Variants in VPS53 observed in about 807,000 individuals in gnomAD.
The protein encoded by VPS53 is vacuolar protein sorting-associated protein 53 homolog.
In VPS53, 70 loss-of-function variants were observed where a neutral mutation model predicts 107.0. The observed-to-expected ratio is 0.65, with a 90% CI of 0.54 to 0.80. The LOEUF is 0.80. Among genes scored for constraint, VPS53 ranks in the 30% least tolerant of loss-of-function variants. The probability of loss-of-function intolerance (pLI) is 0.00; values close to 1 mark genes in which losing one functional copy is unlikely to be tolerated. For synonymous variants in VPS53, 409 were observed against 393.3 expected (o/e 1.04, Z -0.47); for missense variants, 917 against 1,049.4 (o/e 0.87, Z 1.74).
intron 19 of VPS53, 112 bp from the exon 20 acceptor site, chr17:521,850 C>T: frequency 1.6e-6 from 2 of 1,229,930 alleles, no homozygotes; most frequent in Non-Finnish European, 1.0e-6. Context: ...ATTCTTGTTG[C>T]AAAAAATTGG....
chr17:688,664 GCA>G (rs1440278170), intron 4 of VPS53, among the ~76,000 whole-genome samples: 6 of 152,040 alleles, frequency 3.9e-5, no homozygotes, highest in Admixed American at 1.3e-4. Context: ...ACAACCAGTA[GCA>G]CTCTAGAAGC....
chr17:662,109 A>C (rs1971460159), intron 4 of VPS53, among the ~76,000 whole-genome samples: 1 of 152,180 alleles, frequency 6.6e-6, no homozygotes, highest in South Asian at 2.1e-4. Flanking sequence ...AATGTTCCTC[A>C]CAAAGTTTCA....
At chr17:650,376 A>T (rs56877006) in intron 7 of VPS53, among the ~76,000 whole-genome samples, 15,074 of 152,144 alleles carry the variant, frequency 0.099, 844 homozygotes, top group East Asian at 0.22. Context: ...ATTTGCCTGT[A>T]TTCCTGGCTA....
At chr17:564,213 G>A (rs368159844) in intron 13 of VPS53, among the ~76,000 whole-genome samples, 61 of 152,154 alleles carry the variant, frequency 4.0e-4, no homozygotes, top group African/African-American at 1.4e-3. Context: ...TGGCCAACAT[G>A]GCAAAACCCC....
chr17:534,628 A>G (rs953060253), intron 18 of VPS53, among the ~76,000 whole-genome samples: 28 of 152,212 alleles, frequency 1.8e-4, no homozygotes, highest in African/African-American at 6.3e-4. Flanking sequence ...ACATTAGAAC[A>G]TGCTCCGGAC....
intron 17 of VPS53, among the ~76,000 whole-genome samples, chr17:551,068 G>A (rs1381889243): frequency 6.6e-6 from 1 of 151,640 alleles, no homozygotes; most frequent in Non-Finnish European, 1.5e-5. Flanking sequence ...AAGATAATAC[G>A]TAAATAAAGG....
chr17:661,686 G>A (rs1971444064), intron 5 of VPS53, 123 bp downstream of exon 5: 2 of 870,144 alleles, frequency 2.3e-6, no homozygotes, highest in South Asian at 1.8e-5. Context: ...TTGCTTTAGA[G>A]ATGCAGATGA....
chr17:663,767 A>C (rs1971567761), intron 4 of VPS53, among the ~76,000 whole-genome samples: 1 of 152,190 alleles, frequency 6.6e-6, no homozygotes, highest in Non-Finnish European at 1.5e-5. Flanking sequence ...ATGAGTATTT[A>C]CTGAATGCCT....
intron 4 of VPS53, among the ~76,000 whole-genome samples, chr17:687,676 C>T (rs546029648): frequency 1.3e-5 from 2 of 151,880 alleles, no homozygotes; most frequent in Non-Finnish European, 2.9e-5. Context: ...AGGTTGAGGG[C>T]GCAGCGAGCT....
intron 11 of VPS53, among the ~76,000 whole-genome samples, chr17:612,535 TAGTG>T (rs1968937705): frequency 7.1e-6 from 1 of 141,420 alleles, no homozygotes; most frequent in African/African-American, 2.7e-5. Context: ...AATATTCACA[TAGTG>T]AGTTCACACA....
intron 4 of VPS53, among the ~76,000 whole-genome samples, chr17:670,497 A>C (rs1042599672): frequency 6.6e-6 from 1 of 152,196 alleles, no homozygotes; most frequent in Non-Finnish European, 1.5e-5. Flanking sequence ...GAAGATAAGG[A>C]GTATGGAACC....
At chr17:653,250 C>G in intron 7 of VPS53, 41 bp downstream of exon 7, 1 of 1,595,534 alleles carries the variant, frequency 6.3e-7, no homozygotes, top group South Asian at 1.1e-5. Flanking sequence ...GCTGCCGGAT[C>G]TGCGGAATCC....
Position 693,485 on chromosome 17 carries a change from C to G in VPS53, c.285+3933G>C, listed in dbSNP as rs1464813252. Among the ~76,000 whole-genome samples the G allele has an allele frequency of 2.0e-5, 3 of 152,078 alleles. No individual in the cohort carries two copies. In the East Asian group the frequency reaches 5.8e-4, roughly 29 times the overall value. On this transcript the variant is annotated intron_variant, in intron 4 of 21. Coordinates refer to ENST00000437048, the MANE Select transcript of VPS53 (RefSeq NM_001128159.3). ...GCCTATAATCTCAGCATTTTGGGAG[C>G]CCAAGGCAGGAGGATCACTTCAGGC...
At chr17:608,494 G>C (rs1025464025) in intron 11 of VPS53, among the ~76,000 whole-genome samples, 10 of 152,100 alleles carry the variant, frequency 6.6e-5, no homozygotes, top group Non-Finnish European at 1.5e-4. Context: ...GAATTAAACA[G>C]TGTGGATACC....
chr17:665,931 G>C (rs1358165552), intron 4 of VPS53, among the ~76,000 whole-genome samples: 1 of 152,126 alleles, frequency 6.6e-6, no homozygotes, highest in Admixed American at 6.5e-5. Context: ...TTAAACCCAG[G>C]AGGCGGAGGT....
At chr17:686,125 C>T (rs1231175650) in intron 4 of VPS53, among the ~76,000 whole-genome samples, 1 of 151,982 alleles carries the variant, frequency 6.6e-6, no homozygotes, top group Non-Finnish European at 1.5e-5. Flanking sequence ...TCTAAACCAG[C>T]CTGGGCAACA....
chr17:521,774 C>T (rs1483391382), intron 19 of VPS53, 36 bp from the exon 20 acceptor site: 1 of 1,470,956 alleles, frequency 6.8e-7, no homozygotes, highest in East Asian at 2.6e-5. Context: ...CCGGCCCCTT[C>T]CAGCGACCCA....
chr17:622,082 T>C (rs1222389636), intron 11 of VPS53, among the ~76,000 whole-genome samples: 1 of 151,906 alleles, frequency 6.6e-6, no homozygotes, highest in East Asian at 1.9e-4. Context: ...CTTAGTGGTG[T>C]GCACCTGTAA....
At chr17:693,925 G>T (rs1256566702) in intron 4 of VPS53, among the ~76,000 whole-genome samples, 1 of 152,176 alleles carries the variant, frequency 6.6e-6, no homozygotes, top group Non-Finnish European at 1.5e-5. Flanking sequence ...GGGGCCTCTT[G>T]ACCTACAAAA....
Sources: gnomAD v4.1 joint callset for allele counts (sites outside exome capture counted in the v4.1 genomes callset) on GRCh38, gnomAD v4.1.1 for gene constraint, MANE v1.5 for transcripts, NCBI Gene and HGNC (gene_info 2026-07-23, HGNC 2026-07-21) for gene names.